The following PPARGC1B variants were observed in gnomAD, a reference collection of about 807,000 sequenced individuals.
The protein encoded by PPARGC1B is peroxisome proliferator-activated receptor gamma coactivator 1-beta.
In PPARGC1B, 34 loss-of-function variants were observed where a neutral mutation model predicts 101.6. The ratio of observed to expected loss-of-function variants is 0.33; its 90% CI spans 0.25 to 0.45. PPARGC1B has a LOEUF of 0.45. Ranked by LOEUF, PPARGC1B falls within the 20% of genes least tolerant of loss-of-function variation. The probability of loss-of-function intolerance (pLI) is 1.00; values close to 1 mark genes in which losing one functional copy is unlikely to be tolerated. For missense variants in PPARGC1B, 1,234 were observed against 1,317.6 expected (o/e 0.94, Z 0.98); for synonymous variants, 548 against 539.3 (o/e 1.02, Z -0.22).
At position 149,826,668 on chromosome 5, in the gene PPARGC1B, T is replaced by G; in HGVS notation, c.253-5T>G. On this transcript the variant is annotated splice_region_variant and splice_polypyrimidine_tract_variant and intron_variant, in intron 2 of 11. Coordinates refer to ENST00000309241, the MANE Select transcript of PPARGC1B (RefSeq NM_133263.4). ...TTTCTGACCCTCCCGCCCTCCTCAC[T>G]CCAGATTGACAGTGAGAATGAGGCC... 2 of 1,612,434 alleles carry G rather than the reference T, an allele frequency of 1.2e-6. No individual in the cohort carries two copies. Among genetic ancestry groups the G allele is most frequent in the Non-Finnish European group, 1.7e-6 (2 of 1,178,688 alleles).
chr5:149,770,828 TA>T (rs35142598), intron 1 of PPARGC1B, among the ~76,000 whole-genome samples: 4,610 of 140,704 alleles, frequency 0.033, 171 homozygotes, highest in African/African-American at 0.095. Context: ...CCCTGTCTCT[TA>T]AAAAAAAAAA....
chr5:149,735,776 T>G (rs1047033647), intron 1 of PPARGC1B, among the ~76,000 whole-genome samples: 2 of 152,218 alleles, frequency 1.3e-5, no homozygotes, highest in African/African-American at 4.8e-5. Flanking sequence ...TCTCAGTTTT[T>G]GTTCATCAGT....
At chr5:149,817,435 A>G (rs564628725) in intron 1 of PPARGC1B, among the ~76,000 whole-genome samples, 1 of 152,322 alleles carries the variant, frequency 6.6e-6, no homozygotes, top group Admixed American at 6.5e-5. Context: ...AGTCGTGATC[A>G]AGCCATGTTG....
intron 1 of PPARGC1B, among the ~76,000 whole-genome samples, chr5:149,808,565 T>G (rs11167483): frequency 3.9e-5 from 6 of 152,088 alleles, no homozygotes; most frequent in African/African-American, 9.6e-5. Flanking sequence ...GGAAAGAAAC[T>G]GAACTCTCAG....
chr5:149,773,406 G>A (rs1037432041), intron 1 of PPARGC1B, among the ~76,000 whole-genome samples: 3 of 152,234 alleles, frequency 2.0e-5, no homozygotes, highest in Non-Finnish European at 2.9e-5. Flanking sequence ...TCCTCAGCCA[G>A]TGCTGCCTAC....
At chr5:149,740,260 G>C (rs1180104161) in intron 1 of PPARGC1B, 1 of 152,228 alleles carries the variant, frequency 6.6e-6, no homozygotes, top group Non-Finnish European at 1.5e-5. Flanking sequence ...TTTCTATCTA[G>C]GAAATGGGGA....
chr5:149,760,411 A>G (rs1249151424), intron 1 of PPARGC1B, among the ~76,000 whole-genome samples: 5 of 152,188 alleles, frequency 3.3e-5, no homozygotes, highest in African/African-American at 1.2e-4. Context: ...CTGCTACTTA[A>G]CATGCTGTGT....
At position 149,836,672 on chromosome 5, in the gene PPARGC1B, AG is replaced by A; in HGVS notation, c.2218del (p.Asp740ThrfsTer16). On this transcript the variant is annotated frameshift_variant, in exon 8 of 12. Transcript: ENST00000309241. LOFTEE classifies it high-confidence loss of function. ...AGGCACAGGCCCCTGGCAGGGAGGA[AG>A]ACAGAAGCTGTGATGCTGGCGCCCC... ...AEAQAPGREE[D>X]RSCDAGAPPK... 1 of 1,613,716 alleles carries A rather than the reference AG, an allele frequency of 6.2e-7. No individual in the cohort carries two copies. The highest frequency in any genetic ancestry group is 8.5e-7 in the Non-Finnish European group (1 of 1,179,996).
intron 2 of PPARGC1B, among the ~76,000 whole-genome samples, chr5:149,821,943 G>A (rs938783086): frequency 4.6e-5 from 7 of 152,140 alleles, no homozygotes; most frequent in Admixed American, 1.3e-4. Flanking sequence ...CTCGCCCAAG[G>A]TCAAACAGCT....
chr5:149,752,581 C>CACTT (rs1229798203), intron 1 of PPARGC1B, among the ~76,000 whole-genome samples: 1 of 152,222 alleles, frequency 6.6e-6, no homozygotes, highest in African/African-American at 2.4e-5. Context: ...GTAATCCCAG[C>CACTT]ACTTTGGGAG....
intron 2 of PPARGC1B, among the ~76,000 whole-genome samples, chr5:149,825,846 C>T (rs757428001): frequency 8.5e-5 from 13 of 152,298 alleles, no homozygotes; most frequent in African/African-American, 2.9e-4. Context: ...TCATCATCAT[C>T]GTCATGGCAG....
chr5:149,754,004 T>G (rs1755416276), intron 1 of PPARGC1B, among the ~76,000 whole-genome samples: 1 of 152,248 alleles, frequency 6.6e-6, no homozygotes. Flanking sequence ...GGTGTGCATA[T>G]TTAACATTTT....
chr5:149,737,252 C>T (rs1013557199), intron 1 of PPARGC1B, among the ~76,000 whole-genome samples: 3 of 152,198 alleles, frequency 2.0e-5, no homozygotes, highest in East Asian at 3.9e-4. Flanking sequence ...CTTAGCTCTC[C>T]GGTATTTTAA....
chr5:149,819,482 TTG>T lies in PPARGC1B; in HGVS notation c.79-949_79-948del, dbSNP rs546882344. On this transcript the variant is annotated intron_variant, in intron 1 of 11. Coordinates refer to ENST00000309241, the MANE Select transcript of PPARGC1B (RefSeq NM_133263.4). ...TTTCATGATATGGGTGTTTGTTTGT[TTG>T]TTTGTTTTTGTTTTTTTTTGTTTGT... 5.5e-3 allele frequency among the ~76,000 whole-genome samples: 828 copies of T among 149,916 alleles called. 8 individuals carry two copies. Among genetic ancestry groups the T allele is most frequent in the African/African-American group, 0.019 (780 of 40,274 alleles).
At chr5:149,738,624 A>G (rs371757471) in intron 1 of PPARGC1B, among the ~76,000 whole-genome samples, 20 of 149,210 alleles carry the variant, frequency 1.3e-4, no homozygotes, top group African/African-American at 4.7e-4. Flanking sequence ...TTTTTTTGAG[A>G]TGGCGTCTCA....
intron 1 of PPARGC1B, among the ~76,000 whole-genome samples, chr5:149,735,463 C>G (rs939240766): frequency 6.6e-6 from 1 of 152,168 alleles, no homozygotes; most frequent in Non-Finnish European, 1.5e-5. Flanking sequence ...CTTGGAAATG[C>G]CTAACAAGAA....
At chr5:149,731,240 G>A (rs1211677229) in intron 1 of PPARGC1B, among the ~76,000 whole-genome samples, 1 of 152,204 alleles carries the variant, frequency 6.6e-6, no homozygotes, top group African/African-American at 2.4e-5. Flanking sequence ...GTGTGCCGGG[G>A]CGCGGGGGAG....
At chr5:149,797,903 G>C (rs1442188468) in intron 1 of PPARGC1B, among the ~76,000 whole-genome samples, 1 of 152,164 alleles carries the variant, frequency 6.6e-6, no homozygotes, top group Non-Finnish European at 1.5e-5. Context: ...CTGGGCGACA[G>C]AGCAAAACTC....
chr5:149,757,306 G>T (rs1298434666), intron 1 of PPARGC1B, among the ~76,000 whole-genome samples: 1 of 151,850 alleles, frequency 6.6e-6, no homozygotes, highest in South Asian at 2.1e-4. Flanking sequence ...GTGAAAATGG[G>T]ATCCAACGGG....
Sources: allele counts gnomAD v4.1 joint callset (sites outside exome capture counted in the v4.1 genomes callset), GRCh38; gene constraint gnomAD v4.1.1; transcripts MANE v1.5; gene names NCBI Gene and HGNC (gene_info 2026-07-23, HGNC 2026-07-21).